FKBP15: variants seen among roughly 807,000 people sequenced by gnomAD.
FKBP15 encodes the protein FKBP prolyl isomerase family member 15, also known as FK506-binding protein 15.
A neutral mutation model predicts 158.1 loss-of-function variants in FKBP15; 106 were observed. The ratio of observed to expected loss-of-function variants is 0.67; its 90% confidence interval spans 0.57 to 0.79. The LOEUF (loss-of-function observed/expected upper bound fraction) is 0.79. Ranked by LOEUF, FKBP15 falls within the 30% of genes least tolerant of loss-of-function variation. The pLI, the probability that FKBP15 is intolerant of heterozygous loss-of-function variation, is 0.00. For synonymous variants in FKBP15, 547 were observed against 548.6 expected, an observed-to-expected ratio of 1.00 and a Z score of 0.04; for missense variants, 1,287 against 1,479.1, an observed-to-expected ratio of 0.87 and a Z score of 2.13.
chr9:113,188,259 C>T lies in FKBP15; in HGVS notation c.1276+130G>A, dbSNP rs115442508. ...CCTTACCCAGGGACAAACTGACAAG[C>T]GTCACACTCTTACATTTACACTTTA... On this transcript the variant is annotated intron_variant, in intron 13 of 27. Coordinates refer to ENST00000238256, the MANE Select transcript of FKBP15 (RefSeq NM_015258.2). The T allele has an allele frequency of 5.2e-3, 3,786 of 722,894 alleles. 120 individuals are homozygous for T. The African/African-American group carries it at 0.06, about 12-fold the overall frequency. The allele number at this position is 722,894 out of a possible 1,614,324, so 44.8% of individuals were successfully genotyped here.
chr9:113,169,236 G>T lies in FKBP15; in HGVS notation c.3473C>A (p.Ser1158Tyr), dbSNP rs769780882. The T allele has an allele frequency of 7.4e-6, 12 of 1,613,144 alleles. No individual in the cohort carries two copies. Among genetic ancestry groups the T allele is most frequent in the Non-Finnish European group, 1.0e-5 (12 of 1,179,348 alleles). ...CAGAGGAACATACCTGGAACGCTGGGAATGATGGCTGGGTCTGAGGGCTGC... is the reference window on the plus strand; with the variant it reads ...CAGAGGAACATACCTGGAACGCTGGTAATGATGGCTGGGTCTGAGGGCTGC... ...AGAALRPSHH[S>Y]QRSSLSGDEE... Residue 1158 changes from serine to tyrosine, a missense_variant, in exon 26 of 28, where the codon TCC becomes TAC. Coordinates refer to ENST00000238256, the MANE Select transcript of FKBP15 (RefSeq NM_015258.2).
intron 12 of FKBP15, among the ~76,000 whole-genome samples, chr9:113,190,240 T>G (rs1182004915): frequency 6.6e-6 from 1 of 152,210 alleles, no homozygotes. Context: ...CTAAATTAAC[T>G]ACTGAAAACT....
chr9:113,173,958 A>G (rs568728823), intron 22 of FKBP15, among the ~76,000 whole-genome samples: 19 of 152,300 alleles, frequency 1.2e-4, no homozygotes, highest in African/African-American at 4.6e-4. Context: ...GAGGGCACCA[A>G]TGCACTCTAA....
chr9:113,196,858 T>C (rs944792610), intron 9 of FKBP15, 74 bp downstream of exon 9: 6 of 1,520,870 alleles, frequency 3.9e-6, no homozygotes, highest in African/African-American at 1.4e-5. Flanking sequence ...TCTTCATTTA[T>C]TTATTCATTT....
chr9:113,210,195 C>A (rs1245597833), intron 2 of FKBP15, among the ~76,000 whole-genome samples: 2 of 152,146 alleles, frequency 1.3e-5, no homozygotes, highest in African/African-American at 4.8e-5. Context: ...GATCCCAGAT[C>A]TTAGAGAAGC....
At position 113,201,066 on chromosome 9, in the gene FKBP15, C is replaced by T. The variant is rs1830781083; in HGVS notation, c.499-1103G>A. The stretch of plus-strand genomic sequence containing the variant: ...TCAAAAAAAAAAAAAAAAAGAGTTT[C>T]ATTATTGTAATCAAATAAAAACAAT... On this transcript the variant is annotated intron_variant, in intron 6 of 27. Coordinates refer to ENST00000238256, the MANE Select transcript of FKBP15 (RefSeq NM_015258.2). Among the ~76,000 whole-genome samples the T allele has an allele frequency of 2.0e-5, 3 of 146,892 alleles. No homozygotes were observed. In the South Asian group the frequency reaches 6.5e-4, roughly 32 times the overall value.
chr9:113,200,828 A>G (rs997173871), intron 6 of FKBP15, among the ~76,000 whole-genome samples: 3 of 151,948 alleles, frequency 2.0e-5, no homozygotes, highest in African/African-American at 7.3e-5. Context: ...GGCGGATCAC[A>G]AGGTCAAGAG....
intron 4 of FKBP15, chr9:113,205,990 G>A (rs1170911404): frequency 2.0e-5 from 3 of 152,690 alleles, no homozygotes; most frequent in Non-Finnish European, 4.4e-5. Flanking sequence ...AACAAGAAGA[G>A]ATTTGACCTT....
chr9:113,190,372 G>A, intron 12 of FKBP15, 99 bp downstream of exon 12: 1 of 954,056 alleles, frequency 1.0e-6, no homozygotes, highest in South Asian at 1.5e-5. Flanking sequence ...TCTAAATAAT[G>A]ATTCTGCCTT....
At chr9:113,171,482 C>T in intron 24 of FKBP15, 99 bp downstream of exon 24, 1 of 1,406,864 alleles carries the variant, frequency 7.1e-7, no homozygotes, top group Non-Finnish European at 9.6e-7. Context: ...TAAAACATCA[C>T]TAAAGTTAGA....
At chr9:113,168,618 AC>A in intron 26 of FKBP15, 62 bp from the exon 27 acceptor site, 1 of 1,446,074 alleles carries the variant, frequency 6.9e-7, no homozygotes, top group East Asian at 2.3e-5. Flanking sequence ...AGTACCCACC[AC>A]CTACAAGGGT....
Position 113,171,626 on chromosome 9 carries a change from G to C in FKBP15, c.2613C>G (p.Ser871=), listed in dbSNP as rs1346569115. 1.2e-6 allele frequency: 2 copies of C among 1,605,984 alleles called. No homozygotes were observed. The highest frequency in any genetic ancestry group is 3.3e-4 in the Middle Eastern group (2 of 6,056). The change falls in exon 24 of 28, where the codon TCC becomes TCG. Residue 871 remains serine (S), a synonymous_variant. Transcript: ENST00000238256. Reference sequence around the variant, plus strand: ...CAGCAGCTTCAACCCCAGACATCTGGGACTTGTTCTTCTCTAGTTCCTTGA... The same window carrying C: ...CAGCAGCTTCAACCCCAGACATCTGCGACTTGTTCTTCTCTAGTTCCTTGA... ...QHIKELEKNK[S]QMSGVEAAAS...
rs756859815 is a variant in FKBP15 at position 113,199,925 on chromosome 9, A to G, written c.537T>C (p.Asp179=). Reference sequence around the variant, plus strand: ...CAATGAGGTCCTGGGAGAGCACTGCATCCAGGGAAGAGGTACTGTTGCACT... The same window carrying G: ...CAATGAGGTCCTGGGAGAGCACTGCGTCCAGGGAAGAGGTACTGTTGCACT... The part of the protein sequence containing the change: ...IAKCNSTSSL[D]AVLSQDLIVA... The change falls in exon 7 of 28, where the codon GAT becomes GAC. Residue 179 remains aspartate (D), a synonymous_variant. Transcript: ENST00000238256. The G allele has an allele frequency of 5.6e-6, 9 of 1,613,356 alleles. No homozygotes were observed. In the African/African-American group the frequency reaches 1.1e-4, roughly 19 times the overall value.
chr9:113,185,888 GC>G (rs1459459577), intron 15 of FKBP15, among the ~76,000 whole-genome samples: 1 of 151,964 alleles, frequency 6.6e-6, no homozygotes, highest in Non-Finnish European at 1.5e-5. Flanking sequence ...CCAATGTTTT[GC>G]TCTTTTACTA....
rs576226758 is a variant in FKBP15 at position 113,203,914 on chromosome 9, GT to G, written c.325-880del. 2.3e-3 allele frequency among the ~76,000 whole-genome samples: 346 copies of G among 152,248 alleles called. 3 individuals carry two copies. Among genetic ancestry groups the G allele is most frequent in the African/African-American group, 7.9e-3 (329 of 41,544 alleles). On this transcript the variant is annotated intron_variant, in intron 4 of 27. Transcript: ENST00000238256. The stretch of plus-strand genomic sequence containing the variant: ...TCTTTCACTCACCGTATCTATAAGA[GT>G]AAGCCTTGATACTTCATGTTCCAGG...
intron 1 of FKBP15, among the ~76,000 whole-genome samples, chr9:113,216,102 A>AAAAAAT (rs398011925): frequency 2.7e-5 from 4 of 148,198 alleles, no homozygotes; most frequent in Non-Finnish European, 5.9e-5. Context: ...AAAAAAAAAA[A>AAAAAAT]TCTGCAAGGC....
intron 11 of FKBP15, among the ~76,000 whole-genome samples, chr9:113,191,164 C>G (rs1308529030): frequency 1.3e-5 from 2 of 151,590 alleles, no homozygotes; most frequent in East Asian, 3.9e-4. Context: ...ATCATAACCT[C>G]CATTTTTATT....
At chr9:113,168,351 G>A in intron 27 of FKBP15, 109 bp downstream of exon 27, 1 of 886,896 alleles carries the variant, frequency 1.1e-6, no homozygotes, top group East Asian at 2.7e-5. Context: ...CCTGCACACA[G>A]AGTCCAGGGA....
Position 113,166,126 on chromosome 9 carries a change from G to A in FKBP15, c.3612C>T (p.Pro1204=). The change falls in exon 28 of 28, where the codon CCC becomes CCT. Residue 1204 remains proline, a synonymous_variant. Coordinates refer to ENST00000238256, the MANE Select transcript of FKBP15 (RefSeq NM_015258.2). ...CGTCATCATCATCATCTCCAAAAAG[G>A]GGCGTTGGGGGCGGGCGTCCCTTCA... ...VSMKGRPPPT[P]LFGDDDDDDD... The A allele has an allele frequency of 6.2e-7, 1 of 1,613,604 alleles. No individual in the cohort carries two copies. The highest frequency in any genetic ancestry group is 8.5e-7 in the Non-Finnish European group (1 of 1,179,762).
Sources: allele counts gnomAD v4.1 joint callset (sites outside exome capture counted in the v4.1 genomes callset), GRCh38; gene constraint gnomAD v4.1.1; transcripts MANE v1.5; gene names NCBI Gene and HGNC (gene_info 2026-07-23, HGNC 2026-07-21).